CCDC39: variants seen among roughly 807,000 people sequenced by gnomAD.
The protein encoded by CCDC39 is coiled-coil domain 39 molecular ruler complex subunit.
In CCDC39, 113 loss-of-function variants were observed where a neutral mutation model predicts 121.0. The observed-to-expected ratio is 0.93, with a 90% CI of 0.80 to 1.09. The LOEUF is 1.09. Among genes scored for constraint, CCDC39 ranks in the 50% least tolerant of loss-of-function variants. The pLI is 0.00. For synonymous variants in CCDC39, 349 were observed against 352.2 expected (o/e 0.99, Z 0.10); for missense variants, 1,063 against 1,074.7 (o/e 0.99, Z 0.15).
At chr3:180,667,655 C>T (rs1420067461) in intron 1 of CCDC39, among the ~76,000 whole-genome samples, 1 of 152,130 alleles carries the variant, frequency 6.6e-6, no homozygotes, top group African/African-American at 2.4e-5. Context: ...CCTCATCTCT[C>T]TCCCTCTTTT....
intron 16 of CCDC39, chr3:180,617,724 GTA>G (rs902306137): frequency 2.6e-6 from 1 of 380,978 alleles, no homozygotes; most frequent in African/African-American, 2.1e-5. Flanking sequence ...TCACAAAAGA[GTA>G]AAAAAATTTT....
At chr3:180,656,094 G>A (rs16831820) in intron 6 of CCDC39, among the ~76,000 whole-genome samples, 6,230 of 152,194 alleles carry the variant, frequency 0.041, 450 homozygotes, top group African/African-American at 0.14. Context: ...AAGTTGTTTA[G>A]TTTTCAAGTT....
chr3:180,663,733 G>T, intron 2 of CCDC39, 134 bp downstream of exon 2: 4 of 831,476 alleles, frequency 4.8e-6, no homozygotes, highest in African/African-American at 1.8e-5. Context: ...CTACTTTCAT[G>T]TTCAAGGTTA....
intron 14 of CCDC39, among the ~76,000 whole-genome samples, chr3:180,621,237 G>T (rs1479378398): frequency 2.0e-5 from 3 of 152,086 alleles, no homozygotes; most frequent in Admixed American, 6.6e-5. Flanking sequence ...AGGAGTGGAG[G>T]TATCTTTTTG....
intron 1 of CCDC39, among the ~76,000 whole-genome samples, chr3:180,676,152 A>AT (rs1273554791): frequency 1.3e-5 from 2 of 152,228 alleles, no homozygotes; most frequent in Non-Finnish European, 2.9e-5. Context: ...ATGGGATCTC[A>AT]TTAAACTAAA....
At chr3:180,671,913 C>T (rs1265390044) in intron 1 of CCDC39, among the ~76,000 whole-genome samples, 2 of 152,158 alleles carry the variant, frequency 1.3e-5, no homozygotes, top group Non-Finnish European at 2.9e-5. Flanking sequence ...GAGGCTGCAG[C>T]AAGTTATCTA....
chr3:180,629,501 G>A (rs903245161), intron 14 of CCDC39, among the ~76,000 whole-genome samples: 8 of 152,108 alleles, frequency 5.3e-5, no homozygotes, highest in Non-Finnish European at 1.0e-4. Flanking sequence ...ATACCTGGAG[G>A]GCCCACTAGA....
chr3:180,627,340 T>C (rs1403747667), intron 14 of CCDC39, among the ~76,000 whole-genome samples: 1 of 152,208 alleles, frequency 6.6e-6, no homozygotes, highest in Non-Finnish European at 1.5e-5. Flanking sequence ...CCATTTCATC[T>C]GAAATATAAA....
intron 15 of CCDC39, 101 bp downstream of exon 15, chr3:180,619,710 A>C (rs1717378174): frequency 2.8e-6 from 2 of 721,012 alleles, no homozygotes; most frequent in Admixed American, 6.7e-5. Flanking sequence ...GACCCAATCT[A>C]ACATAGTTTG....
chr3:180,642,461 T>C (rs1205924941), intron 12 of CCDC39, among the ~76,000 whole-genome samples: 1 of 152,118 alleles, frequency 6.6e-6, no homozygotes, highest in Non-Finnish European at 1.5e-5. Context: ...GAAGAAGTTA[T>C]TCCTGAAGTT....
intron 13 of CCDC39, 74 bp downstream of exon 13, chr3:180,641,919 T>C (rs150570010): frequency 9.4e-7 from 1 of 1,065,056 alleles, no homozygotes; most frequent in African/African-American, 1.6e-5. Flanking sequence ...TCCGGGATGT[T>C]AGAGGGGGCA....
intron 12 of CCDC39, 27 bp from the exon 13 acceptor site, chr3:180,642,228 A>G: frequency 7.0e-7 from 1 of 1,422,440 alleles, no homozygotes; most frequent in Non-Finnish European, 9.4e-7. Flanking sequence ...ATGGTCAAAT[A>G]TTGAAATTAT....
intron 14 of CCDC39, among the ~76,000 whole-genome samples, chr3:180,628,534 C>T (rs1451827680): frequency 6.6e-6 from 1 of 152,086 alleles, no homozygotes; most frequent in Non-Finnish European, 1.5e-5. Context: ...TTGTTTAAAC[C>T]ATCTAGTTTA....
intron 1 of CCDC39, among the ~76,000 whole-genome samples, chr3:180,673,825 T>C (rs754756485): frequency 1.8e-4 from 28 of 151,370 alleles, no homozygotes; most frequent in Non-Finnish European, 3.7e-4. Context: ...GGGTGGGAAG[T>C]AGGGGGCAGA....
chr3:180,677,592 A>T (rs1942543237), intron 1 of CCDC39, among the ~76,000 whole-genome samples: 1 of 152,040 alleles, frequency 6.6e-6, no homozygotes, highest in African/African-American at 2.4e-5. Context: ...ACTTAGAGGA[A>T]TTTTTTTAGC....
rs909562802 is a variant in CCDC39, at chr3:180,642,074, T to C, written c.1793A>G (p.Glu598Gly). 5 of 1,612,618 alleles carry C rather than the reference T, an allele frequency of 3.1e-6. No individual in the cohort carries two copies. The highest frequency in any genetic ancestry group is 1.6e-4 in the Middle Eastern group (1 of 6,082). ...ATGAACCTTGATTTCTTCAGTTCGC[T>C]CTTCCATTGCTGTGTATAATTGCTG... is the stretch of plus-strand genomic sequence containing the variant. The part of the protein sequence containing the change: ...RKQQLYTAME[E>G]RTEEIKVHKT... Residue 598 changes from glutamate (E) to glycine (G), a missense_variant, in exon 13 of 20, where the codon GAG becomes GGG. By Grantham distance (98) the Glu-to-Gly change is moderately conservative (BLOSUM62 -2). Coordinates refer to ENST00000476379, the MANE Select transcript of CCDC39 (RefSeq NM_181426.2).
intron 14 of CCDC39, among the ~76,000 whole-genome samples, chr3:180,623,815 G>A (rs1238491724): frequency 1.3e-5 from 2 of 151,396 alleles, no homozygotes; most frequent in African/African-American, 4.9e-5. Context: ...TGTGGTCTGA[G>A]AAGATTTTTT....
At chr3:180,635,648 G>A (rs573679871) in intron 13 of CCDC39, among the ~76,000 whole-genome samples, 1 of 152,156 alleles carries the variant, frequency 6.6e-6, no homozygotes, top group Non-Finnish European at 1.5e-5. Flanking sequence ...CTCACATCCA[G>A]GGCACACTGA....
At chr3:180,673,290 T>A (rs988652370) in intron 1 of CCDC39, among the ~76,000 whole-genome samples, 3 of 152,220 alleles carry the variant, frequency 2.0e-5, no homozygotes, top group African/African-American at 7.2e-5. Flanking sequence ...TATTGCATGC[T>A]ACAGAAAAAT....
Sources: allele counts gnomAD v4.1 joint callset (sites outside exome capture counted in the v4.1 genomes callset), GRCh38; gene constraint gnomAD v4.1.1; transcripts MANE v1.5; gene names NCBI Gene and HGNC (gene_info 2026-07-23, HGNC 2026-07-21).